The following KHDRBS2 variants were observed in gnomAD, a reference collection of about 807,000 sequenced individuals.
The protein encoded by KHDRBS2 is KH domain-containing, RNA-binding, signal transduction-associated protein 2.
A neutral mutation model predicts 44.3 loss-of-function variants in KHDRBS2; 26 were observed. That is an observed-to-expected ratio of 0.59 (90% CI 0.43 to 0.81). The LOEUF is 0.81. Ranked by LOEUF, KHDRBS2 falls within the 40% of genes least tolerant of loss-of-function variation. The probability of loss-of-function intolerance (pLI) is 0.00; values close to 1 mark genes in which losing one functional copy is unlikely to be tolerated. For missense variants in KHDRBS2, 476 were observed against 433.1 expected (o/e 1.10, Z -0.88); for synonymous variants, 194 against 151.1 (o/e 1.28, Z -2.08).
chr6:61,955,524 G>A lies in KHDRBS2; in HGVS notation c.483+22542C>T, dbSNP rs1384271823. 3.2e-3 allele frequency among the ~76,000 whole-genome samples: 118 copies of A among 37,092 alleles called. 38 individuals are homozygous for A. Among genetic ancestry groups the A allele is most frequent in the South Asian group, 9.1e-3 (8 of 878 alleles). 24.3% of individuals were successfully genotyped at this position (37,092 alleles called of 152,430 possible). A position where few individuals can be genotyped will look rare whatever the true frequency, so the allele number is the denominator to read the frequency against. ...TGTATATATACACATATGTATGTAT[G>A]TATACATGTGTATATATACACATAT... On this transcript the variant is annotated intron_variant, in intron 4 of 8. Transcript: ENST00000281156.
intron 8 of KHDRBS2, among the ~76,000 whole-genome samples, chr6:61,686,332 A>G (rs1213781506): frequency 2.0e-5 from 3 of 151,762 alleles, no homozygotes; most frequent in Admixed American, 6.6e-5. Flanking sequence ...GCATTACGAC[A>G]TGGTTGATTA....
At chr6:61,663,132 A>C in the KHDRBS2 span, among the ~76,000 whole-genome samples, 5 of 150,966 alleles carry the variant, frequency 3.3e-5, no homozygotes, top group African/African-American at 9.7e-5. Flanking sequence ...CCATCATTCT[A>C]AGCAAACTAT....
chr6:61,551,845 G>C, the KHDRBS2 span, among the ~76,000 whole-genome samples: 1 of 144,808 alleles, frequency 6.9e-6, no homozygotes, highest in Admixed American at 6.9e-5. Flanking sequence ...GGTTACTCAG[G>C]CCTTTTTTTT....
chr6:61,779,610 T>C (rs553838136), intron 6 of KHDRBS2, among the ~76,000 whole-genome samples: 107 of 152,258 alleles, frequency 7.0e-4, no homozygotes, highest in South Asian at 2.1e-3. Flanking sequence ...ATGCTTTATT[T>C]TTTGAACCAC....
intron 4 of KHDRBS2, among the ~76,000 whole-genome samples, chr6:61,947,445 G>A (rs1813596617): frequency 6.6e-6 from 1 of 152,116 alleles, no homozygotes; most frequent in Non-Finnish European, 1.5e-5. Flanking sequence ...AATATTTGTA[G>A]GATTAAGTTC....
At chr6:61,671,205 T>A in the KHDRBS2 span, among the ~76,000 whole-genome samples, 5 of 151,722 alleles carry the variant, frequency 3.3e-5, no homozygotes, top group South Asian at 4.1e-4. Context: ...CTGAGAGGCA[T>A]CAAGATGATA....
intron 6 of KHDRBS2, among the ~76,000 whole-genome samples, chr6:61,776,526 CA>C (rs1324057679): frequency 1.3e-5 from 2 of 152,144 alleles, no homozygotes; most frequent in Non-Finnish European, 2.9e-5. Flanking sequence ...AGCAAAAGAA[CA>C]CATGAAAAAA....
chr6:61,981,441 C>A (rs1773821217), intron 3 of KHDRBS2, among the ~76,000 whole-genome samples: 1 of 93,634 alleles, frequency 1.1e-5, no homozygotes, highest in Admixed American at 1.4e-4. Context: ...AGAACCAAGT[C>A]CTCTCACTTA....
chr6:61,615,519 C>T, the KHDRBS2 span, among the ~76,000 whole-genome samples: 1 of 152,016 alleles, frequency 6.6e-6, no homozygotes, highest in Non-Finnish European at 1.5e-5. Context: ...CTTTTTTATA[C>T]TCTGCCCACT....
chr6:62,050,754 T>C (rs1195582658), intron 2 of KHDRBS2, among the ~76,000 whole-genome samples: 1 of 152,034 alleles, frequency 6.6e-6, no homozygotes, highest in Non-Finnish European at 1.5e-5. Context: ...AAAGTTAAAC[T>C]TACAGTTCCA....
chr6:62,270,894 G>A (rs1361310990), intron 1 of KHDRBS2, among the ~76,000 whole-genome samples: 1 of 152,072 alleles, frequency 6.6e-6, no homozygotes, highest in East Asian at 1.9e-4. Context: ...TTGGCCCACT[G>A]TCACAAAGCT....
intron 6 of KHDRBS2, among the ~76,000 whole-genome samples, chr6:61,804,609 T>C (rs1786836259): frequency 6.6e-6 from 1 of 152,206 alleles, no homozygotes; most frequent in Admixed American, 6.5e-5. Context: ...TCCAAGCATT[T>C]CCATACATCC....
chr6:62,205,247 C>G (rs756519214), intron 1 of KHDRBS2, among the ~76,000 whole-genome samples: 23 of 151,966 alleles, frequency 1.5e-4, no homozygotes, highest in Non-Finnish European at 2.6e-4. Flanking sequence ...CATTAATGAC[C>G]CAGGAGCTTT....
chr6:62,116,447 T>TGGCA (rs1806251351), intron 2 of KHDRBS2, among the ~76,000 whole-genome samples: 1 of 152,146 alleles, frequency 6.6e-6, no homozygotes, highest in South Asian at 2.1e-4. Context: ...TTTTTGTGCC[T>TGGCA]GGCATATTTT....
intron 3 of KHDRBS2, among the ~76,000 whole-genome samples, chr6:62,013,093 T>G (rs1780596714): frequency 6.6e-6 from 1 of 152,128 alleles, no homozygotes; most frequent in Admixed American, 6.6e-5. Flanking sequence ...GGTTGCAAAA[T>G]TAAAAGGAGG....
At chr6:61,620,897 C>G in the KHDRBS2 span, among the ~76,000 whole-genome samples, 1 of 152,180 alleles carries the variant, frequency 6.6e-6, no homozygotes, top group African/African-American at 2.4e-5. Flanking sequence ...TTGCCTCACT[C>G]CATTTATATA....
intron 2 of KHDRBS2, among the ~76,000 whole-genome samples, chr6:62,104,857 T>C (rs978637300): frequency 1.3e-5 from 2 of 152,040 alleles, no homozygotes; most frequent in African/African-American, 4.8e-5. Context: ...ACAACAGTAG[T>C]TCTTAGAGAA....
At chr6:61,718,375 C>A (rs1483560904) in intron 7 of KHDRBS2, among the ~76,000 whole-genome samples, 2 of 152,064 alleles carry the variant, frequency 1.3e-5, no homozygotes, top group Non-Finnish European at 1.5e-5. Flanking sequence ...GTTTCCATAA[C>A]AATTTCATAT....
At chr6:62,089,722 A>T (rs1366254456) in intron 2 of KHDRBS2, among the ~76,000 whole-genome samples, 2 of 152,096 alleles carry the variant, frequency 1.3e-5, no homozygotes, top group Non-Finnish European at 1.5e-5. Context: ...ACTGATAGTA[A>T]GTACAAATTT....
Sources: allele counts gnomAD v4.1 joint callset (sites outside exome capture counted in the v4.1 genomes callset), GRCh38; gene constraint gnomAD v4.1.1; transcripts MANE v1.5; gene names NCBI Gene and HGNC (gene_info 2026-07-23, HGNC 2026-07-21).